Variants in CLIP2 observed in about 807,000 individuals in gnomAD.
The protein encoded by CLIP2 is CAP-Gly domain containing linker protein 2.
CLIP2 carries 41 observed loss-of-function variants against 111.7 expected under a neutral mutation model. That is an observed-to-expected ratio of 0.37 (90% CI 0.29 to 0.48). The LOEUF is 0.48. Among genes scored for constraint, CLIP2 ranks in the 20% least tolerant of loss-of-function variants. The pLI is 0.99. For missense variants in CLIP2, 1,160 were observed against 1,422.1 expected (o/e 0.82, Z 2.96); for synonymous variants, 660 against 644.2 (o/e 1.02, Z -0.37).
At chr7:74,300,233 C>A (rs1424720614) in intron 1 of CLIP2, among the ~76,000 whole-genome samples, 1 of 147,178 alleles carries the variant, frequency 6.8e-6, no homozygotes, top group Non-Finnish European at 1.5e-5. Flanking sequence ...ATGATTCACC[C>A]GCCTTGGCCT....
chr7:74,367,195 AT>A (rs1210652310), intron 8 of CLIP2, among the ~76,000 whole-genome samples: 117 of 147,608 alleles, frequency 7.9e-4, no homozygotes, highest in African/African-American at 1.9e-3. Flanking sequence ...TTTAAAAAAA[AT>A]TTTTTTTTTT....
intron 13 of CLIP2, among the ~76,000 whole-genome samples, chr7:74,396,859 G>A (rs150046971): frequency 6.1e-4 from 92 of 151,988 alleles, no homozygotes; most frequent in African/African-American, 2.2e-3. Context: ...TCTAGGAAAG[G>A]TCAAGTCCTC....
At position 74,376,021 on chromosome 7, in the gene CLIP2, C is replaced by A. The variant is rs201718925; in HGVS notation, c.1620C>A (p.Ala540=). Residue 540 remains alanine, a synonymous_variant, in exon 10 of 17, where the codon GCC becomes GCA. Coordinates refer to ENST00000223398, the MANE Select transcript of CLIP2 (RefSeq NM_003388.5). The surrounding 1 kb of genome is among the most constrained non-coding windows in gnomAD (Gnocchi z 7.1). The stretch of plus-strand genomic sequence containing the variant: ...CACCTCCGGACCACCCAGACGCCGC[C>A]GAGATCCTGCGGCTACGGGAGCGGC... ...GPPPPDHPDA[A]EILRLRERLL... is the part of the protein sequence containing the mutation. The A allele has an allele frequency of 4.3e-6, 7 of 1,612,824 alleles. No homozygotes were observed. The highest frequency in any genetic ancestry group is 5.1e-6 in the Non-Finnish European group (6 of 1,179,922).
At chr7:74,323,213 C>T (rs572006768) in intron 2 of CLIP2, among the ~76,000 whole-genome samples, 1 of 151,508 alleles carries the variant, frequency 6.6e-6, no homozygotes, top group African/African-American at 2.4e-5. Flanking sequence ...TGGGCTCATG[C>T]GATCCTCTTG....
chr7:74,339,292 A>G (rs1396316744), intron 3 of CLIP2, among the ~76,000 whole-genome samples: 2 of 118,750 alleles, frequency 1.7e-5, no homozygotes, highest in Admixed American at 1.7e-4. Flanking sequence ...TTATTTACTT[A>G]TTTTACTTAT....
rs567936260 is a variant in CLIP2 at position 74,370,616 on chromosome 7, C to G, written c.1381-2316C>G. The stretch of plus-strand genomic sequence containing the variant: ...CAACCCTCCCCCCCACCACCACCCC[C>G]CTGCCTTGTCCCAGCCCTGTCTCAC... On this transcript the variant is annotated intron_variant, in intron 8 of 16. Coordinates refer to ENST00000223398, the MANE Select transcript of CLIP2 (RefSeq NM_003388.5). 1.3e-3 allele frequency among the ~76,000 whole-genome samples: 189 copies of G among 146,802 alleles called. 6 individuals carry two copies. The South Asian group carries it at 0.025, about 19-fold the overall frequency.
chr7:74,400,294 T>C (rs1394813521), intron 14 of CLIP2, 76 bp from the exon 15 acceptor site: 5 of 1,309,866 alleles, frequency 3.8e-6, no homozygotes, highest in East Asian at 2.5e-5. Flanking sequence ...TGGAAGACTT[T>C]CCTGCCTAGA....
At chr7:74,299,230 T>C (rs1268307656) in intron 1 of CLIP2, among the ~76,000 whole-genome samples, 1 of 151,868 alleles carries the variant, frequency 6.6e-6, no homozygotes, top group Non-Finnish European at 1.5e-5. Flanking sequence ...GAGGCTGAGG[T>C]GGGAGGATTG....
chr7:74,352,634 G>T (rs549725107), intron 3 of CLIP2, among the ~76,000 whole-genome samples: 1 of 151,312 alleles, frequency 6.6e-6, no homozygotes, highest in Non-Finnish European at 1.5e-5. Flanking sequence ...TTAGCTGGGC[G>T]TGGTGGCGCG....
intron 12 of CLIP2, among the ~76,000 whole-genome samples, chr7:74,387,415 A>T (rs1334989080): frequency 6.6e-6 from 1 of 151,964 alleles, no homozygotes; most frequent in Non-Finnish European, 1.5e-5. Context: ...CACCCGGCTA[A>T]TTTTTGTATT....
At chr7:74,297,817 T>C (rs1788217047) in intron 1 of CLIP2, among the ~76,000 whole-genome samples, 1 of 151,796 alleles carries the variant, frequency 6.6e-6, no homozygotes, top group African/African-American at 2.4e-5. Flanking sequence ...AGGGCATTTT[T>C]TTCTTTTTTT....
chr7:74,362,639 A>G (rs1166965555), intron 7 of CLIP2, among the ~76,000 whole-genome samples: 1 of 150,448 alleles, frequency 6.6e-6, no homozygotes, highest in Non-Finnish European at 1.5e-5. Flanking sequence ...GGTTCAAGCA[A>G]TTCTCCTGCC....
At position 74,338,878 on chromosome 7, in the gene CLIP2, C is replaced by T. The variant is rs782075860; in HGVS notation, c.552C>T (p.Val184=). 5 of 1,607,140 alleles carry T rather than the reference C, an allele frequency of 3.1e-6. No homozygotes were observed. Among genetic ancestry groups the T allele is most frequent in the Non-Finnish European group, 1.7e-6 (2 of 1,179,918 alleles). Residue 184 remains valine, a synonymous_variant, in exon 3 of 17, where the codon GTC becomes GTT. Coordinates refer to ENST00000223398, the MANE Select transcript of CLIP2 (RefSeq NM_003388.5). This position sits in a 1 kb window ranked among gnomAD's most constrained non-coding sequence, Gnocchi z 4.3. The stretch of plus-strand genomic sequence containing the variant: ...CCACGCCCCCGCTGACCAGCCGCGT[C>T]ATCCCCCTGCGGGAGAGCGTCCTCA... The part of the protein sequence containing the change: ...GTATPPLTSR[V]IPLRESVLNS...
chr7:74,364,203 T>C (rs959347636), intron 7 of CLIP2, 52 bp from the exon 8 acceptor site: 4 of 1,541,502 alleles, frequency 2.6e-6, no homozygotes, highest in Admixed American at 1.8e-5. Flanking sequence ...ATTCGGTGAA[T>C]CCCGTTGCTC....
chr7:74,398,022 G>C (rs1791510421), intron 14 of CLIP2, among the ~76,000 whole-genome samples: 1 of 151,874 alleles, frequency 6.6e-6, no homozygotes, highest in Admixed American at 6.6e-5. Flanking sequence ...TGCAGAGACG[G>C]GTTGGGGTAG....
In CLIP2 at chr7:74,360,228, C is replaced by G; in HGVS notation, c.1269C>G (p.Ser423Arg). 7 of 1,607,946 alleles carry G rather than the reference C, an allele frequency of 4.4e-6. No homozygotes were observed. The highest frequency in any genetic ancestry group is 5.9e-6 in the Non-Finnish European group (7 of 1,177,424). The change falls in exon 7 of 17, where the codon AGC (serine) becomes AGG (arginine). Residue 423 changes from serine (S) to arginine (R), a missense_variant. By Grantham distance (110) the Ser-to-Arg change is moderately radical. Transcript: ENST00000223398. ...KLQRARLLVE[S>R]VRKEKVDLSN... ...AGCGAGCCCGGCTGCTCGTGGAGAG[C>G]GTGCGGAAAGAGAAGGTGGACCTGT...
intron 7 of CLIP2, among the ~76,000 whole-genome samples, 182 bp from the exon 8 acceptor site, chr7:74,364,073 C>T (rs531516650): frequency 1.3e-5 from 2 of 152,272 alleles, no homozygotes; most frequent in South Asian, 4.1e-4. Context: ...GTGGTTCTTC[C>T]TAGAGTGCAG....
intron 1 of CLIP2, among the ~76,000 whole-genome samples, chr7:74,297,976 C>T (rs1257702875): frequency 6.6e-6 from 1 of 151,846 alleles, no homozygotes; most frequent in Non-Finnish European, 1.5e-5. Flanking sequence ...TTTTGAGCTC[C>T]TCTATGGTCT....
intron 2 of CLIP2, among the ~76,000 whole-genome samples, chr7:74,337,164 A>C (rs898052952): frequency 6.6e-6 from 1 of 152,000 alleles, no homozygotes; most frequent in Non-Finnish European, 1.5e-5. Context: ...CTGGGATTAT[A>C]GGCATGAGCC....
Sources: allele counts gnomAD v4.1 joint callset (sites outside exome capture counted in the v4.1 genomes callset), GRCh38; gene constraint gnomAD v4.1.1; non-coding constraint Gnocchi (gnomAD v3.1); transcripts MANE v1.5; gene names NCBI Gene and HGNC (gene_info 2026-07-23, HGNC 2026-07-21).